The following SLC25A26 variants were observed in gnomAD, a reference collection of about 807,000 sequenced individuals.
The protein encoded by SLC25A26 is mitochondrial S-adenosylmethionine carrier protein.
A neutral mutation model predicts 37.8 loss-of-function variants in SLC25A26; 36 were observed. That is an observed-to-expected ratio of 0.95 (90% CI 0.73 to 1.26). SLC25A26 has a LOEUF of 1.26. SLC25A26 is among the 50% of genes most tolerant of loss of function. SLC25A26 has a pLI of 0.00. For missense variants in SLC25A26, 390 were observed against 331.1 expected (o/e 1.18, Z -1.38); for synonymous variants, 129 against 122.5 (o/e 1.05, Z -0.35).
intron 1 of SLC25A26, among the ~76,000 whole-genome samples, chr3:66,153,880 G>C (rs2070241416): frequency 6.6e-6 from 1 of 152,212 alleles, no homozygotes; most frequent in Admixed American, 6.5e-5. Flanking sequence ...CACCGAGGGA[G>C]CTCTGGGGGT....
At chr3:66,273,033 T>A (rs1054461087) in intron 5 of SLC25A26, among the ~76,000 whole-genome samples, 16 of 152,304 alleles carry the variant, frequency 1.1e-4, no homozygotes, top group Middle Eastern at 6.8e-3. Context: ...AGGCCTTTTC[T>A]GCATCTGTTG....
intron 1 of SLC25A26, among the ~76,000 whole-genome samples, chr3:66,137,873 A>G (rs907516729): frequency 6.6e-6 from 1 of 151,976 alleles, no homozygotes; most frequent in South Asian, 2.1e-4. Flanking sequence ...TCGCTCTGTC[A>G]CCCAGGCTGG....
At chr3:66,224,204 C>G (rs2071631960) in intron 1 of SLC25A26, among the ~76,000 whole-genome samples, 2 of 152,192 alleles carry the variant, frequency 1.3e-5, no homozygotes, top group Admixed American at 1.3e-4. Flanking sequence ...CAAAATAGCA[C>G]TAAGTATTTT....
chr3:66,236,778 A>G (rs781926185), intron 2 of SLC25A26, 78 bp downstream of exon 2: 56 of 1,104,064 alleles, frequency 5.1e-5, no homozygotes, highest in Non-Finnish European at 6.8e-5. Flanking sequence ...TTACCCCCAT[A>G]GAATTCCTTG....
intron 1 of SLC25A26, among the ~76,000 whole-genome samples, chr3:66,136,736 T>C (rs901587701): frequency 2.6e-5 from 4 of 152,262 alleles, no homozygotes; most frequent in African/African-American, 9.6e-5. Context: ...AGTAGTACTG[T>C]GTTTTCAAAG....
chr3:66,279,416 C>CTAA (rs779897166), intron 5 of SLC25A26, among the ~76,000 whole-genome samples: 7 of 152,188 alleles, frequency 4.6e-5, no homozygotes, highest in Non-Finnish European at 7.3e-5. Flanking sequence ...GTTAAACTTA[C>CTAA]ACCTGGTGCT....
chr3:66,205,300 A>G (rs1051400396), intron 1 of SLC25A26, among the ~76,000 whole-genome samples: 1 of 152,226 alleles, frequency 6.6e-6, no homozygotes, highest in Non-Finnish European at 1.5e-5. Flanking sequence ...AAATAAATGA[A>G]TTAAAAATTT....
At chr3:66,167,405 C>A (rs1018107889) in intron 1 of SLC25A26, among the ~76,000 whole-genome samples, 1 of 152,124 alleles carries the variant, frequency 6.6e-6, no homozygotes, top group Admixed American at 6.5e-5. Flanking sequence ...GGGAAAGGAA[C>A]AATAGAGAAT....
In SLC25A26 at chr3:66,370,567, C is replaced by T; in HGVS notation, c.672C>T (p.Val224=). 1.9e-6 allele frequency: 3 copies of T among 1,613,918 alleles called. No homozygotes were observed. The highest frequency in any genetic ancestry group is 2.5e-6 in the Non-Finnish European group (3 of 1,179,850). The part of the protein sequence containing the change: ...SSTADGNVLS[V]LHGVWRSQGL... The stretch of plus-strand genomic sequence containing the variant: ...CTGCTGATGGGAATGTGCTCTCTGT[C>T]CTGCATGGGGTCTGGCGGTCACAGG... Residue 224 remains valine, a synonymous_variant, in exon 9 of 10, where the codon GTC becomes GTT. Coordinates refer to ENST00000354883, the MANE Select transcript of SLC25A26 (RefSeq NM_001379210.1).
chr3:66,210,378 A>G (rs1054222343), intron 1 of SLC25A26, among the ~76,000 whole-genome samples: 36 of 152,280 alleles, frequency 2.4e-4, no homozygotes, highest in African/African-American at 7.7e-4. Context: ...TTAGGAAGCC[A>G]CATTAAGTTG....
At chr3:66,201,799 G>C (rs2071113736) in intron 1 of SLC25A26, among the ~76,000 whole-genome samples, 1 of 152,142 alleles carries the variant, frequency 6.6e-6, no homozygotes, top group African/African-American at 2.4e-5. Flanking sequence ...CAAAATAAAT[G>C]ACTATTTCTT....
intron 1 of SLC25A26, among the ~76,000 whole-genome samples, chr3:66,164,927 A>G (rs1002382914): frequency 6.6e-6 from 1 of 152,192 alleles, no homozygotes; most frequent in Admixed American, 6.5e-5. Context: ...ACAAGGATGC[A>G]TGGAAGAAGC....
chr3:66,371,675 C>T (rs1279358137), intron 9 of SLC25A26, among the ~76,000 whole-genome samples: 2 of 152,146 alleles, frequency 1.3e-5, no homozygotes, highest in Non-Finnish European at 2.9e-5. Flanking sequence ...GAGCCTGCCA[C>T]TTAGGGCTGC....
intron 1 of SLC25A26, among the ~76,000 whole-genome samples, chr3:66,182,769 C>T (rs990028064): frequency 6.6e-6 from 1 of 151,052 alleles, no homozygotes; most frequent in Non-Finnish European, 1.5e-5. Flanking sequence ...TCTGACAAGT[C>T]GTCCTCTGCT....
intron 1 of SLC25A26, among the ~76,000 whole-genome samples, chr3:66,199,870 T>A (rs1010497348): frequency 1.3e-5 from 2 of 152,162 alleles, no homozygotes; most frequent in Non-Finnish European, 2.9e-5. Flanking sequence ...CAGAGCTGCA[T>A]TGACTCTGAT....
At chr3:66,198,335 G>A (rs1030166395) in intron 1 of SLC25A26, among the ~76,000 whole-genome samples, 1 of 151,850 alleles carries the variant, frequency 6.6e-6, no homozygotes, top group Non-Finnish European at 1.5e-5. Context: ...CCTAATGGTA[G>A]CTCTCATCCT....
chr3:66,204,308 C>T (rs1451779478), intron 1 of SLC25A26, among the ~76,000 whole-genome samples: 1 of 151,110 alleles, frequency 6.6e-6, no homozygotes, highest in Non-Finnish European at 1.5e-5. Flanking sequence ...CGCCTGTAGT[C>T]CCAGCTACTC....
intron 1 of SLC25A26, among the ~76,000 whole-genome samples, chr3:66,140,104 T>C (rs552648462): frequency 6.6e-6 from 1 of 152,340 alleles, no homozygotes; most frequent in Non-Finnish European, 1.5e-5. Flanking sequence ...AGGTCTGTTC[T>C]CTTTCATGGT....
intron 1 of SLC25A26, among the ~76,000 whole-genome samples, chr3:66,140,032 C>T (rs2070010973): frequency 6.6e-6 from 1 of 152,164 alleles, no homozygotes; most frequent in South Asian, 2.1e-4. Flanking sequence ...AACTTACTGG[C>T]TCATGGAACT....
Sources: allele counts gnomAD v4.1 joint callset (sites outside exome capture counted in the v4.1 genomes callset), GRCh38; gene constraint gnomAD v4.1.1; transcripts MANE v1.5; gene names NCBI Gene and HGNC (gene_info 2026-07-23, HGNC 2026-07-21).